Variants in NAPB observed in about 807,000 individuals in gnomAD.
The protein encoded by NAPB is beta-soluble NSF attachment protein.
A neutral mutation model predicts 44.7 loss-of-function variants in NAPB; 26 were observed. That is an observed-to-expected ratio of 0.58 (90% CI 0.43 to 0.81). NAPB has a LOEUF of 0.81. Ranked by LOEUF, NAPB falls within the 30% of genes least tolerant of loss-of-function variation. NAPB has a pLI of 0.00. For synonymous variants in NAPB, 120 were observed against 116.8 expected, an observed-to-expected ratio of 1.03 and a Z score of -0.18; for missense variants, 315 against 356.4, an observed-to-expected ratio of 0.88 and a Z score of 0.94.
chr20:23,377,201 G>A lies in NAPB; in HGVS notation c.*175C>T. Reference sequence around the variant, plus strand: ...CATCATTACCACAAGATGAACAGGAGCCTCTCCTTCATTCATTTCACAGCA... The same window carrying A: ...CATCATTACCACAAGATGAACAGGAACCTCTCCTTCATTCATTTCACAGCA... On this transcript the variant is annotated 3_prime_UTR_variant, in exon 11 of 11. Coordinates refer to ENST00000377026, the MANE Select transcript of NAPB (RefSeq NM_022080.3). The A allele has an allele frequency of 2.6e-6, 1 of 391,238 alleles. No homozygotes were observed. 24.2% of individuals were successfully genotyped at this position (391,238 alleles called of 1,614,324 possible). A position where few individuals can be genotyped will look rare whatever the true frequency, so the allele number is the denominator to read the frequency against.
chr20:23,412,131 G>A (rs1466664970), intron 1 of NAPB, among the ~76,000 whole-genome samples: 2 of 152,206 alleles, frequency 1.3e-5, no homozygotes, highest in African/African-American at 4.8e-5. Flanking sequence ...CAGACTGGCT[G>A]TGACTGCTGC....
At chr20:23,390,085 T>C in intron 6 of NAPB, 55 bp from the exon 7 acceptor site, 3 of 1,573,730 alleles carry the variant, frequency 1.9e-6, no homozygotes, top group Non-Finnish European at 2.6e-6. Flanking sequence ...AAATAAAAGA[T>C]GTGCACTGGG....
chr20:23,421,271 C>A lies in NAPB; in HGVS notation c.98+34G>T, dbSNP rs751856303. 6.0e-6 allele frequency: 4 copies of A among 668,064 alleles called. No individual in the cohort carries two copies. The highest frequency in any genetic ancestry group is 8.1e-5 in the East Asian group (1 of 12,332). The allele number at this position is 668,064 out of a possible 1,614,324, so 41.4% of individuals were successfully genotyped here. A position where few individuals can be genotyped will look rare whatever the true frequency, so the allele number is the denominator to read the frequency against. ...GGAAGGGGGCCAAGTACGGAGACCC[C>A]CCCCCCCCAGGGCACGCACGGTCTG... On this transcript the variant is annotated intron_variant, in intron 1 of 10. Coordinates refer to ENST00000377026, the MANE Select transcript of NAPB (RefSeq NM_022080.3).
intron 7 of NAPB, among the ~76,000 whole-genome samples, chr20:23,386,995 G>A (rs1983577073): frequency 6.6e-6 from 1 of 152,060 alleles, no homozygotes; most frequent in East Asian, 1.9e-4. Flanking sequence ...ATCAATCAAT[G>A]TAATCTACAA....
chr20:23,387,379 A>C (rs928317021), intron 7 of NAPB, among the ~76,000 whole-genome samples: 10 of 152,230 alleles, frequency 6.6e-5, no homozygotes, highest in African/African-American at 1.9e-4. Flanking sequence ...ACTGCACTGG[A>C]GATTCTAGCC....
intron 2 of NAPB, 26 bp from the exon 3 acceptor site, chr20:23,397,214 CAG>C: frequency 1.9e-6 from 3 of 1,598,002 alleles, no homozygotes; most frequent in Admixed American, 1.7e-5. Flanking sequence ...CAATTAAACA[CAG>C]AGGAACAAGT....
At chr20:23,386,700 G>C (rs181970854) in intron 7 of NAPB, among the ~76,000 whole-genome samples, 4 of 152,132 alleles carry the variant, frequency 2.6e-5, no homozygotes, top group Non-Finnish European at 5.9e-5. Context: ...TTATTACTGT[G>C]GGGGGAAGTA....
At chr20:23,421,272 C>A in intron 1 of NAPB, 33 bp downstream of exon 1, 2 of 1,406,196 alleles carry the variant, frequency 1.4e-6, no homozygotes, top group Non-Finnish European at 1.9e-6. Context: ...CGGAGACCCC[C>A]CCCCCCCAGG....
chr20:23,403,850 T>C (rs16985337), intron 1 of NAPB, among the ~76,000 whole-genome samples: 3 of 152,122 alleles, frequency 2.0e-5, no homozygotes, highest in Non-Finnish European at 2.9e-5. Flanking sequence ...AGCCACGTCT[T>C]ATGAGAAAGT....
chr20:23,385,589 G>T (rs76584454), intron 7 of NAPB, among the ~76,000 whole-genome samples: 3,067 of 152,166 alleles, frequency 0.02, 83 homozygotes, highest in African/African-American at 0.07. Context: ...GCACACACCT[G>T]TAATCCCAGC....
chr20:23,404,782 G>A (rs6137937), intron 1 of NAPB, among the ~76,000 whole-genome samples: 11,562 of 152,214 alleles, frequency 0.076, 675 homozygotes, highest in East Asian at 0.3. Context: ...AATGCAAATC[G>A]AAACCACACA....
intron 7 of NAPB, among the ~76,000 whole-genome samples, chr20:23,386,873 T>C (rs556287005): frequency 4.6e-5 from 7 of 152,268 alleles, no homozygotes; most frequent in African/African-American, 1.2e-4. Flanking sequence ...TTCTGTAAGT[T>C]TGTCTAACAA....
chr20:23,382,205 A>C lies in NAPB; in HGVS notation c.562-888T>G, dbSNP rs563741463. 3.2e-4 allele frequency among the ~76,000 whole-genome samples: 48 copies of C among 152,334 alleles called. No individual in the cohort carries two copies. The East Asian group carries it at 4.6e-3, about 15-fold the overall frequency. On this transcript the variant is annotated intron_variant, in intron 7 of 10. Coordinates refer to ENST00000377026, the MANE Select transcript of NAPB (RefSeq NM_022080.3). The stretch of plus-strand genomic sequence containing the variant: ...AGGAGAGGGGATGCCACTTCTGCCC[A>C]GGGCTGACTAGGCCCCTCAGGTGTC...
chr20:23,394,127 A>T (rs1255544668), intron 5 of NAPB, among the ~76,000 whole-genome samples: 2 of 152,156 alleles, frequency 1.3e-5, no homozygotes, highest in East Asian at 1.9e-4. Flanking sequence ...GGGTCTAATG[A>T]CTGTCAGCAG....
intron 1 of NAPB, among the ~76,000 whole-genome samples, chr20:23,406,043 T>A (rs1985231230): frequency 6.6e-6 from 1 of 152,164 alleles, no homozygotes; most frequent in Admixed American, 6.5e-5. Context: ...CATGAATGTA[T>A]TAAGGCCACT....
At chr20:23,419,167 C>T (rs1425163940) in intron 1 of NAPB, among the ~76,000 whole-genome samples, 1 of 152,086 alleles carries the variant, frequency 6.6e-6, no homozygotes, top group East Asian at 1.9e-4. Flanking sequence ...TTATTGTCTC[C>T]GTTTTATACA....
At chr20:23,405,029 G>A (rs531092131) in intron 1 of NAPB, among the ~76,000 whole-genome samples, 6 of 152,298 alleles carry the variant, frequency 3.9e-5, no homozygotes, top group African/African-American at 1.4e-4. Flanking sequence ...CCGGCGGGGC[G>A]AGGAGGCTCA....
chr20:23,384,031 C>T (rs1467569843), intron 7 of NAPB, among the ~76,000 whole-genome samples: 5 of 152,186 alleles, frequency 3.3e-5, no homozygotes, highest in Admixed American at 2.0e-4. Context: ...TCTCCAACAA[C>T]ACTGGTTTAA....
rs876661300 is a variant in NAPB at position 23,390,028 on chromosome 20, G to T, written c.479C>A (p.Ser160Ter). The T allele has an allele frequency of 6.2e-7, 1 of 1,613,904 alleles. No individual in the cohort carries two copies. The change falls in exon 7 of 11, where the codon TCA (serine) becomes TAA (stop). Residue 160 changes from serine (S) to a stop codon, truncating the protein, a stop_gained and splice_region_variant. Transcript: ENST00000377026. LOFTEE classifies it high-confidence loss of function. ...CACCTTCAGCAGACACTTGTTTGCTGAGCTGAAATCAAGAACCAAAGCAGA... is the reference window on the plus strand; with the variant it reads ...CACCTTCAGCAGACACTTGTTTGCTTAGCTGAAATCAAGAACCAAAGCAGA... ...DYYKGEESNS[S>*]ANKCLLKVAA... is the part of the protein sequence containing the mutation.
Sources: gnomAD v4.1 joint callset for allele counts (sites outside exome capture counted in the v4.1 genomes callset) on GRCh38, gnomAD v4.1.1 for gene constraint, MANE v1.5 for transcripts, NCBI Gene and HGNC (gene_info 2026-07-23, HGNC 2026-07-21) for gene names.